PRKCB: variants seen among roughly 807,000 people sequenced by gnomAD.
PRKCB encodes the protein protein kinase C beta type.
In PRKCB, 13 loss-of-function variants were observed where a neutral mutation model predicts 81.5. The ratio of observed to expected loss-of-function variants is 0.16; its 90% confidence interval spans 0.10 to 0.25. The LOEUF (loss-of-function observed/expected upper bound fraction) is 0.25. Ranked by LOEUF, PRKCB falls within the 10% of genes least tolerant of loss-of-function variation. The pLI is 1.00. For missense variants in PRKCB, 509 were observed against 875.7 expected (o/e 0.58, Z 5.29); for synonymous variants, 335 against 321.4 (o/e 1.04, Z -0.45).
At chr16:23,959,248 G>C (rs1964391891) in intron 2 of PRKCB, among the ~76,000 whole-genome samples, 1 of 152,170 alleles carries the variant, frequency 6.6e-6, no homozygotes, top group Non-Finnish European at 1.5e-5. Context: ...GTATATCAGA[G>C]GTGTTATGGT....
At chr16:23,961,190 G>A (rs1161645872) in intron 2 of PRKCB, among the ~76,000 whole-genome samples, 1 of 152,164 alleles carries the variant, frequency 6.6e-6, no homozygotes, top group Non-Finnish European at 1.5e-5. Context: ...TTACAGGCGT[G>A]AGCCACTGTG....
rs1567347258 is a variant in PRKCB, at chr16:24,021,298, CCTTCCTTCCTTCCTTCCTTCCTT to C, written c.289-10836_289-10814del. Among the ~76,000 whole-genome samples the C allele has an allele frequency of 6.3e-3, 82 of 12,924 alleles. 7 individuals are homozygous for C. Among genetic ancestry groups the C allele is most frequent in the African/African-American group, 0.032 (73 of 2,276 alleles). 8.5% of individuals were successfully genotyped at this position (12,924 alleles called of 152,430 possible). ...TTTCTTTTCTCCCTCTCCCTCCCTT[CCTTCCTTCCTTCCTTCCTTCCTT>C]CCTTCCTTCCTTCCTTCCTTCCTTC... On this transcript the variant is annotated intron_variant, in intron 3 of 16. Coordinates refer to ENST00000643927, the MANE Select transcript of PRKCB (RefSeq NM_002738.7).
chr16:24,001,473 T>C (rs1965033533), intron 3 of PRKCB, among the ~76,000 whole-genome samples: 1 of 152,200 alleles, frequency 6.6e-6, no homozygotes, highest in Non-Finnish European at 1.5e-5. Flanking sequence ...ATGTTGAAGA[T>C]TTGATAAAAC....
chr16:24,154,707 C>A lies in PRKCB; in HGVS notation c.1089C>A (p.Gly363=), dbSNP rs779917484. The A allele has an allele frequency of 6.2e-7, 1 of 1,613,986 alleles. No individual in the cohort carries two copies. Among genetic ancestry groups the A allele is most frequent in the Non-Finnish European group, 8.5e-7 (1 of 1,179,994 alleles). The change falls in exon 10 of 17, where the codon GGC becomes GGA. Residue 363 remains glycine (G), a synonymous_variant. Transcript: ENST00000643927. ...AGGTCATGCTTTCAGAACGAAAAGG[C>A]ACAGATGAGCTCTATGCTGTGAAGA... ...FGKVMLSERK[G]TDELYAVKIL...
At chr16:24,074,695 T>G (rs531243615) in intron 5 of PRKCB, among the ~76,000 whole-genome samples, 1 of 152,228 alleles carries the variant, frequency 6.6e-6, no homozygotes, top group South Asian at 2.1e-4. Context: ...TCTGGGAAGA[T>G]TAATTTGTCT....
chr16:24,170,553 T>C (rs940013467), intron 10 of PRKCB, among the ~76,000 whole-genome samples: 1 of 152,074 alleles, frequency 6.6e-6, no homozygotes. Context: ...TAAGAAGAGA[T>C]AAAGTGATTC....
chr16:23,874,477 T>G (rs952160577), intron 2 of PRKCB, among the ~76,000 whole-genome samples: 2 of 152,176 alleles, frequency 1.3e-5, no homozygotes, highest in African/African-American at 4.8e-5. Context: ...CTTAAGAGTT[T>G]TTATAAGCAT....
chr16:24,093,026 C>T (rs1966395786), intron 6 of PRKCB, 79 bp downstream of exon 6: 3 of 1,443,630 alleles, frequency 2.1e-6, no homozygotes, highest in Non-Finnish European at 2.8e-6. Context: ...GTTCCTCCTC[C>T]CTTAGCTCCT....
At chr16:24,041,226 G>T (rs1016033350) in intron 5 of PRKCB, among the ~76,000 whole-genome samples, 5 of 148,028 alleles carry the variant, frequency 3.4e-5, no homozygotes, top group South Asian at 2.2e-4. Flanking sequence ...ATTTTTTTTT[G>T]TATTTTTGGT....
chr16:23,886,570 G>A (rs1416011918), intron 2 of PRKCB, among the ~76,000 whole-genome samples: 2 of 151,746 alleles, frequency 1.3e-5, no homozygotes, highest in Non-Finnish European at 2.9e-5. Context: ...GCACCACCAC[G>A]CCTGACTAAT....
At chr16:24,121,518 C>G (rs933136369) in intron 8 of PRKCB, among the ~76,000 whole-genome samples, 3 of 152,126 alleles carry the variant, frequency 2.0e-5, no homozygotes, top group African/African-American at 7.2e-5. Context: ...GCTGGGACTA[C>G]AGGCCCACTG....
intron 16 of PRKCB, among the ~76,000 whole-genome samples, chr16:24,194,090 G>C (rs896640803): frequency 6.6e-6 from 1 of 152,168 alleles, no homozygotes; most frequent in African/African-American, 2.4e-5. Context: ...ACTTTGGGAG[G>C]CTGAGCCGGG....
At chr16:24,045,031 C>A (rs542358330) in intron 5 of PRKCB, among the ~76,000 whole-genome samples, 1 of 152,128 alleles carries the variant, frequency 6.6e-6, no homozygotes, top group East Asian at 1.9e-4. Flanking sequence ...GAGGCTGTGG[C>A]GGTGAGGGGG....
chr16:23,933,064 T>A (rs546305148), intron 2 of PRKCB, among the ~76,000 whole-genome samples: 24 of 143,132 alleles, frequency 1.7e-4, no homozygotes, highest in African/African-American at 5.8e-4. Flanking sequence ...GGCGATTCCT[T>A]CTTTGTTTCT....
At position 24,110,628 on chromosome 16, in the gene PRKCB, T is replaced by C. The variant is rs1338382266; in HGVS notation, c.822-2345T>C. Among the ~76,000 whole-genome samples the C allele has an allele frequency of 2.7e-5, 4 of 150,228 alleles. No individual in the cohort carries two copies. The East Asian group carries it at 8.1e-4, about 30-fold the overall frequency. ...ACCTTCTGGACTCAAGCGATTCTCC[T>C]ACCTCAGCCGCTCAAGTAGCTGGGA... On this transcript the variant is annotated intron_variant, in intron 7 of 16. Coordinates refer to ENST00000643927, the MANE Select transcript of PRKCB (RefSeq NM_002738.7).
intron 7 of PRKCB, among the ~76,000 whole-genome samples, chr16:24,096,802 G>A (rs921674649): frequency 6.7e-6 from 1 of 149,856 alleles, no homozygotes; most frequent in African/African-American, 2.5e-5. Context: ...GCTTAACCTG[G>A]CACTATAACT....
At chr16:24,053,831 G>A (rs756556890) in intron 5 of PRKCB, among the ~76,000 whole-genome samples, 16 of 152,196 alleles carry the variant, frequency 1.1e-4, no homozygotes, top group Non-Finnish European at 2.1e-4. Context: ...CAAGTCAAGG[G>A]AAGGGAGCAG....
intron 2 of PRKCB, among the ~76,000 whole-genome samples, chr16:23,945,804 T>A (rs2080739478): frequency 6.6e-6 from 1 of 152,148 alleles, no homozygotes; most frequent in Admixed American, 6.5e-5. Flanking sequence ...TGGTATGCAG[T>A]GCTTGCCACT....
intron 16 of PRKCB, 34 bp from the exon 17 acceptor site, chr16:24,214,624 A>C: frequency 6.4e-7 from 1 of 1,571,658 alleles, no homozygotes; most frequent in Non-Finnish European, 8.7e-7. Flanking sequence ...TTTTTTTCCC[A>C]CCCACCACAA....
Sources: allele counts gnomAD v4.1 joint callset (sites outside exome capture counted in the v4.1 genomes callset), GRCh38; gene constraint gnomAD v4.1.1; transcripts MANE v1.5; gene names NCBI Gene and HGNC (gene_info 2026-07-23, HGNC 2026-07-21).